Variants in B3GALT1 observed in about 807,000 individuals in gnomAD.
B3GALT1 encodes beta-1,3-galactosyltransferase 1.
In B3GALT1, 10 loss-of-function variants were observed where a neutral mutation model predicts 23.2. The ratio of observed to expected loss-of-function variants is 0.43; its 90% CI spans 0.27 to 0.73. B3GALT1 has a LOEUF of 0.73. Among genes scored for constraint, B3GALT1 ranks in the 30% least tolerant of loss-of-function variants. The pLI, the probability that B3GALT1 is intolerant of heterozygous loss-of-function variation, is 0.21. For missense variants in B3GALT1, 299 were observed against 405.4 expected (o/e 0.74, Z 2.25); for synonymous variants, 156 against 141.5 (o/e 1.10, Z -0.73).
chr2:167,857,310 A>AT (rs1690017644), intron 4 of B3GALT1, among the ~76,000 whole-genome samples: 1 of 151,932 alleles, frequency 6.6e-6, no homozygotes, highest in Non-Finnish European at 1.5e-5. Context: ...CTTGGGAGAG[A>AT]TTAAGATTGT....
At chr2:167,371,109 C>G (rs759688824) in intron 1 of B3GALT1, among the ~76,000 whole-genome samples, 3 of 151,872 alleles carry the variant, frequency 2.0e-5, no homozygotes, top group South Asian at 2.1e-4. Context: ...TCAGTGGAGA[C>G]AGCTATTACA....
At chr2:167,618,998 G>A (rs1269468831) in intron 2 of B3GALT1, among the ~76,000 whole-genome samples, 2 of 151,286 alleles carry the variant, frequency 1.3e-5, no homozygotes, top group Middle Eastern at 3.4e-3. Context: ...CTTTGAGACT[G>A]TGTAAATGTT....
intron 1 of B3GALT1, among the ~76,000 whole-genome samples, chr2:167,364,392 A>G (rs1179579275): frequency 6.6e-6 from 1 of 151,788 alleles, no homozygotes; most frequent in Non-Finnish European, 1.5e-5. Flanking sequence ...CATGTGCACA[A>G]CGTGCAGGTT....
intron 1 of B3GALT1, among the ~76,000 whole-genome samples, chr2:167,425,144 A>G (rs902061841): frequency 6.6e-6 from 1 of 152,230 alleles, no homozygotes; most frequent in Admixed American, 6.5e-5. Flanking sequence ...TCTCTGGATG[A>G]TGGGCACTTG....
At chr2:167,674,482 A>T (rs566656703) in intron 3 of B3GALT1, among the ~76,000 whole-genome samples, 1 of 152,372 alleles carries the variant, frequency 6.6e-6, no homozygotes, top group East Asian at 1.9e-4. Context: ...GCAAGGGGCC[A>T]TGTCTGGACT....
intron 1 of B3GALT1, among the ~76,000 whole-genome samples, chr2:167,370,646 C>T (rs1465259210): frequency 6.6e-6 from 1 of 151,892 alleles, no homozygotes; most frequent in Non-Finnish European, 1.5e-5. Flanking sequence ...TGGTAATTTT[C>T]TAATTATTTG....
At chr2:167,839,493 G>A (rs1348206784) in intron 4 of B3GALT1, among the ~76,000 whole-genome samples, 1 of 152,182 alleles carries the variant, frequency 6.6e-6, no homozygotes, top group African/African-American at 2.4e-5. Flanking sequence ...ACCTCTTCAA[G>A]GAGAACTACA....
At chr2:167,857,089 C>T (rs1174911930) in intron 4 of B3GALT1, among the ~76,000 whole-genome samples, 1 of 152,074 alleles carries the variant, frequency 6.6e-6, no homozygotes, top group Admixed American at 6.6e-5. Context: ...GAGCTACCAC[C>T]AGTTTTCTGT....
chr2:167,631,769 C>CTTTTTTTTTTTTTTTTTTTTTT (rs558837779), intron 2 of B3GALT1, among the ~76,000 whole-genome samples: 1 of 120,596 alleles, frequency 8.3e-6, no homozygotes, highest in African/African-American at 3.2e-5. Context: ...CTTTTCTTTT[C>CTTTTTTTTTTTTTTTTTTTTTT]TTTTTTTTTT....
intron 3 of B3GALT1, among the ~76,000 whole-genome samples, chr2:167,652,107 G>T (rs115642684): frequency 0.011 from 1,629 of 152,250 alleles, 32 homozygotes; most frequent in African/African-American, 0.037. Context: ...AACATATTGG[G>T]GGGAAGCAGA....
At chr2:167,721,033 C>T (rs1316177883) in intron 3 of B3GALT1, among the ~76,000 whole-genome samples, 1 of 152,026 alleles carries the variant, frequency 6.6e-6, no homozygotes, top group Non-Finnish European at 1.5e-5. Flanking sequence ...TTCTCTCTCC[C>T]TCTCTCCCCC....
At chr2:167,775,216 A>G (rs1026251213) in intron 3 of B3GALT1, among the ~76,000 whole-genome samples, 4 of 152,250 alleles carry the variant, frequency 2.6e-5, no homozygotes, top group African/African-American at 9.6e-5. Context: ...ATGAAAATAA[A>G]TAAATTATGG....
chr2:167,671,200 A>G (rs1023340464), intron 3 of B3GALT1, among the ~76,000 whole-genome samples: 10 of 152,190 alleles, frequency 6.6e-5, no homozygotes, highest in Non-Finnish European at 1.2e-4. Context: ...AATAGACAGC[A>G]ATACAATAGT....
At position 167,433,385 on chromosome 2, in the gene B3GALT1, G is replaced by T. The variant is rs542777723; in HGVS notation, c.-510-56792G>T. On this transcript the variant is annotated intron_variant, in intron 1 of 4. Coordinates refer to ENST00000392690, the MANE Select transcript of B3GALT1 (RefSeq NM_020981.4). ...TCCACATTTTGGCAATTATGGTAAA[G>T]CTCCTATAAACATCCAAAAACTTAT... Among the ~76,000 whole-genome samples, 13 of 152,230 alleles carry T rather than the reference G, an allele frequency of 8.5e-5. No homozygotes were observed. The South Asian group carries it at 1.7e-3, about 19-fold the overall frequency.
At chr2:167,712,848 A>G (rs549941598) in intron 3 of B3GALT1, among the ~76,000 whole-genome samples, 19 of 152,312 alleles carry the variant, frequency 1.2e-4, no homozygotes, top group Admixed American at 1.1e-3. Context: ...CCCCATCTCT[A>G]ATAGCAGAGA....
intron 3 of B3GALT1, among the ~76,000 whole-genome samples, chr2:167,759,859 T>C (rs1263617638): frequency 1.3e-5 from 2 of 152,326 alleles, no homozygotes; most frequent in African/African-American, 4.8e-5. Flanking sequence ...GAGCTCAGAA[T>C]TTCTATAGAT....
intron 2 of B3GALT1, among the ~76,000 whole-genome samples, chr2:167,621,525 C>T (rs2105439681): frequency 6.6e-6 from 1 of 152,154 alleles, no homozygotes; most frequent in South Asian, 2.1e-4. Flanking sequence ...CAAGAGCTTT[C>T]CATTATAAAG....
chr2:167,682,142 C>T (rs1008667244), intron 3 of B3GALT1, among the ~76,000 whole-genome samples: 4 of 152,162 alleles, frequency 2.6e-5, no homozygotes, highest in Admixed American at 2.6e-4. Context: ...CCATCCTCTT[C>T]TCTCTTGCTT....
chr2:167,433,991 G>C lies in B3GALT1; in HGVS notation c.-510-56186G>C, dbSNP rs73023867. Among the ~76,000 whole-genome samples, 807 of 147,516 alleles carry C rather than the reference G, an allele frequency of 5.5e-3. 11 individuals carry two copies. Among genetic ancestry groups the C allele is most frequent in the African/African-American group, 0.02 (764 of 38,364 alleles). ...CAAAGCTTAAAGATATAATTTGGCAGATCACAAACTGCCCTCCAACTTGGG... is the reference window on the plus strand; with the variant it reads ...CAAAGCTTAAAGATATAATTTGGCACATCACAAACTGCCCTCCAACTTGGG... On this transcript the variant is annotated intron_variant, in intron 1 of 4. Coordinates refer to ENST00000392690, the MANE Select transcript of B3GALT1 (RefSeq NM_020981.4).
Sources: allele counts gnomAD v4.1 joint callset (sites outside exome capture counted in the v4.1 genomes callset), GRCh38; gene constraint gnomAD v4.1.1; transcripts MANE v1.5; gene names NCBI Gene and HGNC (gene_info 2026-07-23, HGNC 2026-07-21).